The following POT1 variants were observed in gnomAD, a reference collection of about 807,000 sequenced individuals.
POT1 encodes the protein protection of telomeres 1.
POT1 carries 47 observed loss-of-function variants against 78.5 expected under a neutral mutation model. That is an observed-to-expected ratio of 0.60 (90% CI 0.47 to 0.76). The LOEUF (loss-of-function observed/expected upper bound fraction) is 0.76. Ranked by LOEUF, POT1 falls within the 30% of genes least tolerant of loss-of-function variation. POT1 has a pLI of 0.00. For missense variants in POT1, 646 were observed against 749.9 expected (o/e 0.86, Z 1.62); for synonymous variants, 259 against 260.7 (o/e 0.99, Z 0.06).
intron 9 of POT1, among the ~76,000 whole-genome samples, chr7:124,856,131 A>G (rs900865716): frequency 3.0e-4 from 46 of 152,082 alleles, no homozygotes; most frequent in Non-Finnish European, 4.4e-5. Context: ...ATAAAAACAC[A>G]TTTTTTCCTG....
At chr7:124,888,413 T>C (rs573300906) in intron 6 of POT1, among the ~76,000 whole-genome samples, 1 of 152,198 alleles carries the variant, frequency 6.6e-6, no homozygotes, top group East Asian at 1.9e-4. Context: ...CCTCCAGGTT[T>C]GATCTTTCTC....
At chr7:124,851,811 T>C (rs754878892) in intron 11 of POT1, 61 bp downstream of exon 11, 101 of 1,131,096 alleles carry the variant, frequency 8.9e-5, no homozygotes, top group Non-Finnish European at 1.3e-4. Context: ...CAAAGAATTA[T>C]GTTGATAAAA....
Position 124,841,191 on chromosome 7 carries a change from G to A in POT1, c.1164-13C>T, listed in dbSNP as rs3815221. 636,705 of 1,599,208 alleles carry A rather than the reference G, an allele frequency of 0.4. 127,704 individuals are homozygous for A. Among genetic ancestry groups the A allele is most frequent in the East Asian group, 0.48 (21,368 of 44,640 alleles). On this transcript the variant is annotated splice_polypyrimidine_tract_variant and intron_variant, in intron 13 of 18. Transcript: ENST00000357628. ...TGGAACTTCTTGCCTAAAATTATTG[G>A]CAATGAAATGATAGAAATCGATTTT...
intron 2 of POT1, among the ~76,000 whole-genome samples, chr7:124,916,878 A>T (rs1232829482): frequency 6.6e-6 from 1 of 152,204 alleles, no homozygotes; most frequent in Non-Finnish European, 1.5e-5. Context: ...CAATGGCAGC[A>T]GCAGTTACTG....
At chr7:124,871,509 T>A (rs555276859) in intron 6 of POT1, among the ~76,000 whole-genome samples, 1 of 152,184 alleles carries the variant, frequency 6.6e-6, no homozygotes, top group Non-Finnish European at 1.5e-5. Context: ...AGTAAATATG[T>A]CGTACAAATG....
chr7:124,883,620 T>C (rs905180117), intron 6 of POT1, among the ~76,000 whole-genome samples: 1 of 152,066 alleles, frequency 6.6e-6, no homozygotes, highest in African/African-American at 2.4e-5. Flanking sequence ...TAAGTGAATA[T>C]GAACATATCA....
intron 10 of POT1, 34 bp downstream of exon 10, chr7:124,852,938 C>A: frequency 6.3e-7 from 1 of 1,579,984 alleles, no homozygotes; most frequent in African/African-American, 1.4e-5. Context: ...TTAATCGATA[C>A]CTTATTTACA....
intron 15 of POT1, among the ~76,000 whole-genome samples, chr7:124,831,445 G>A (rs1253418156): frequency 9.9e-5 from 15 of 151,926 alleles, no homozygotes. Context: ...GAAAGTTTAG[G>A]AAACAACACT....
chr7:124,824,660 C>A (rs1794586838), intron 18 of POT1, among the ~76,000 whole-genome samples: 1 of 151,966 alleles, frequency 6.6e-6, no homozygotes. Flanking sequence ...TTAGAAAAAT[C>A]AAAATTGTCT....
At chr7:124,881,812 G>T (rs974859675) in intron 6 of POT1, among the ~76,000 whole-genome samples, 2 of 151,988 alleles carry the variant, frequency 1.3e-5, no homozygotes, top group Admixed American at 1.3e-4. Context: ...AGGGAAAGTG[G>T]AAAGAGTAGA....
At chr7:124,824,494 A>C (rs1179852229) in intron 18 of POT1, among the ~76,000 whole-genome samples, 1 of 151,946 alleles carries the variant, frequency 6.6e-6, no homozygotes, top group African/African-American at 2.4e-5. Context: ...TTCAAGTTAA[A>C]CTTGGTTAGA....
chr7:124,867,348 C>T (rs769481730), intron 7 of POT1, among the ~76,000 whole-genome samples: 2 of 152,104 alleles, frequency 1.3e-5, no homozygotes, highest in Non-Finnish European at 2.9e-5. Flanking sequence ...TTCATGTTCA[C>T]ATTTAAAACC....
intron 16 of POT1, chr7:124,828,806 G>A: frequency 2.2e-6 from 1 of 455,388 alleles, no homozygotes; most frequent in Non-Finnish European, 4.4e-6. Flanking sequence ...TGAGATGGCT[G>A]TATCAAAAAG....
At chr7:124,864,515 A>AT (rs896669866) in intron 7 of POT1, among the ~76,000 whole-genome samples, 8 of 150,598 alleles carry the variant, frequency 5.3e-5, no homozygotes, top group South Asian at 2.1e-4. Context: ...TTTTAAAACC[A>AT]TTTTTTTTCC....
intron 6 of POT1, among the ~76,000 whole-genome samples, chr7:124,873,251 TC>T: frequency 6.6e-6 from 1 of 152,204 alleles, no homozygotes; most frequent in Non-Finnish European, 1.5e-5. Context: ...ATGGAGCTCT[TC>T]CCCTATGTTT....
At chr7:124,846,184 C>CACACACACACACA (rs1554421673) in intron 12 of POT1, among the ~76,000 whole-genome samples, 1 of 150,568 alleles carries the variant, frequency 6.6e-6, no homozygotes, top group Non-Finnish European at 1.5e-5. Context: ...CACACACACA[C>CACACACACACACA]CCCTATAATA....
At chr7:124,827,528 G>A (rs1014508713) in intron 16 of POT1, among the ~76,000 whole-genome samples, 1 of 152,168 alleles carries the variant, frequency 6.6e-6, no homozygotes, top group Admixed American at 6.5e-5. Flanking sequence ...TGGTGTGTGG[G>A]TGAAAACCCC....
intron 13 of POT1, 74 bp downstream of exon 13, chr7:124,842,733 A>G: frequency 8.0e-7 from 1 of 1,244,054 alleles, no homozygotes; most frequent in Non-Finnish European, 1.1e-6. Flanking sequence ...TTCCTAAGAC[A>G]CAAAATTATA....
chr7:124,847,015 G>C lies in POT1; in HGVS notation c.950-17C>G. 1 of 1,577,224 alleles carries C rather than the reference G, an allele frequency of 6.3e-7. No homozygotes were observed. Among genetic ancestry groups the C allele is most frequent in the Non-Finnish European group, 8.7e-7 (1 of 1,149,678 alleles). ...ATCCAGAGCCTATAAAAAGGAAAAG[G>C]CAAAAAAATTAAGTCCATTACAACT... On this transcript the variant is annotated splice_polypyrimidine_tract_variant and intron_variant, in intron 11 of 18. Transcript: ENST00000357628.
Sources: gnomAD v4.1 joint callset for allele counts (sites outside exome capture counted in the v4.1 genomes callset) on GRCh38, gnomAD v4.1.1 for gene constraint, MANE v1.5 for transcripts, NCBI Gene and HGNC (gene_info 2026-07-23, HGNC 2026-07-21) for gene names.